Variants in CDH23 observed in about 807,000 individuals in gnomAD.
CDH23 encodes the protein cadherin related 23, also known as cadherin-23.
CDH23 carries 189 observed loss-of-function variants against 317.1 expected under a neutral mutation model. The observed-to-expected ratio is 0.60, with a 90% confidence interval of 0.53 to 0.67. The LOEUF (loss-of-function observed/expected upper bound fraction) is 0.67. Among genes scored for constraint, CDH23 ranks in the 30% least tolerant of loss-of-function variants. The pLI, the probability that CDH23 is intolerant of heterozygous loss-of-function variation, is 0.00. For missense variants in CDH23, 4,401 were observed against 4,592.4 expected, an observed-to-expected ratio of 0.96 and a Z score of 1.20; for synonymous variants, 1,839 against 1,876.8, an observed-to-expected ratio of 0.98 and a Z score of 0.52.
intron 8 of CDH23, among the ~76,000 whole-genome samples, chr10:71,571,463 C>T (rs188167568): frequency 6.6e-6 from 1 of 152,336 alleles, no homozygotes; most frequent in East Asian, 1.9e-4. Context: ...AGAAAGGCTC[C>T]TGATTTTTCT....
At chr10:71,509,880 A>G (rs1158766519) in intron 3 of CDH23, 1 of 599,346 alleles carries the variant, frequency 1.7e-6, no homozygotes, top group Admixed American at 2.7e-5. Flanking sequence ...ATCATGACAC[A>G]CTGTGACAAG....
chr10:71,416,277 G>C (rs1039735786), intron 1 of CDH23, among the ~76,000 whole-genome samples: 1 of 152,062 alleles, frequency 6.6e-6, no homozygotes, highest in African/African-American at 2.4e-5. Context: ...CGCCCGCCTT[G>C]GCCTCCTGAA....
At chr10:71,422,185 G>A (rs1041175108) in intron 1 of CDH23, among the ~76,000 whole-genome samples, 3 of 152,224 alleles carry the variant, frequency 2.0e-5, no homozygotes, top group Non-Finnish European at 2.9e-5. Context: ...CCTACAGTGT[G>A]TACAGAAGTG....
At chr10:71,621,486 C>T (rs919999184) in intron 11 of CDH23, among the ~76,000 whole-genome samples, 4 of 152,176 alleles carry the variant, frequency 2.6e-5, no homozygotes, top group South Asian at 2.1e-4. Flanking sequence ...CTGCCTGGAA[C>T]GTTGATGGCA....
intron 17 of CDH23, among the ~76,000 whole-genome samples, chr10:71,681,837 G>A (rs1430032183): frequency 6.6e-6 from 1 of 152,152 alleles, no homozygotes; most frequent in African/African-American, 2.4e-5. Context: ...GAGAAATAGG[G>A]CTAGAGACCG....
chr10:71,657,702 C>A (rs1444108365), intron 14 of CDH23, among the ~76,000 whole-genome samples: 4 of 151,842 alleles, frequency 2.6e-5, no homozygotes, highest in Non-Finnish European at 4.4e-5. Flanking sequence ...TTCCCCAGCA[C>A]CCCCCTGCCA....
At chr10:71,662,181 G>T (rs923399947) in intron 14 of CDH23, among the ~76,000 whole-genome samples, 2 of 152,052 alleles carry the variant, frequency 1.3e-5, no homozygotes, top group African/African-American at 4.8e-5. Flanking sequence ...GCAATCGTGT[G>T]GGTATTTAAT....
At chr10:71,613,409 C>T (rs1030943386) in intron 9 of CDH23, among the ~76,000 whole-genome samples, 3 of 152,224 alleles carry the variant, frequency 2.0e-5, no homozygotes, top group Non-Finnish European at 4.4e-5. Context: ...GTGACACCCC[C>T]TCCTGGGCTG....
chr10:71,652,363 C>CT (rs1287952778), intron 14 of CDH23, among the ~76,000 whole-genome samples: 20 of 152,370 alleles, frequency 1.3e-4, no homozygotes, highest in African/African-American at 4.8e-4. Flanking sequence ...TGGGACTTGG[C>CT]TTTTTTCCTA....
chr10:71,534,823 A>G (rs528341829), intron 6 of CDH23, among the ~76,000 whole-genome samples: 21 of 150,708 alleles, frequency 1.4e-4, no homozygotes, highest in Middle Eastern at 3.4e-3. Flanking sequence ...GCTCCAAACC[A>G]AGAAGCAAGG....
At chr10:71,641,523 C>T (rs949345340) in intron 11 of CDH23, among the ~76,000 whole-genome samples, 4 of 152,216 alleles carry the variant, frequency 2.6e-5, no homozygotes, top group Non-Finnish European at 4.4e-5. Flanking sequence ...CTCCACACTC[C>T]GTGCCTTTGC....
chr10:71,434,976 G>A (rs1849555947), intron 1 of CDH23, among the ~76,000 whole-genome samples: 1 of 152,174 alleles, frequency 6.6e-6, no homozygotes, highest in African/African-American at 2.4e-5. Context: ...CTGTGAGCAT[G>A]TTGGAATTCT....
intron 18 of CDH23, among the ~76,000 whole-genome samples, chr10:71,687,112 G>A (rs537935158): frequency 4.3e-4 from 65 of 152,346 alleles, no homozygotes; most frequent in Middle Eastern, 3.4e-3. Context: ...GTGCAAGGAG[G>A]AATCTAGCTG....
intron 11 of CDH23, among the ~76,000 whole-genome samples, chr10:71,642,427 C>T (rs1862598174): frequency 9.6e-6 from 1 of 104,442 alleles, no homozygotes; most frequent in Non-Finnish European, 1.8e-5. Context: ...GAGATGATGT[C>T]TCACTCTGTC....
At chr10:71,424,387 A>G (rs531354622) in intron 1 of CDH23, among the ~76,000 whole-genome samples, 5 of 152,244 alleles carry the variant, frequency 3.3e-5, no homozygotes, top group African/African-American at 1.2e-4. Context: ...GCGTAAAAAC[A>G]ATCCAAACAG....
rs369360489 is a variant in CDH23 at position 71,602,762 on chromosome 10, A to G, written c.833-12742A>G. Among the ~76,000 whole-genome samples, 16 of 152,276 alleles carry G rather than the reference A, an allele frequency of 1.1e-4. 1 individual carries two copies. The highest frequency in any genetic ancestry group is 3.9e-4 in the African/African-American group (16 of 41,548). On this transcript the variant is annotated intron_variant, in intron 9 of 69. Coordinates refer to ENST00000224721, the MANE Select transcript of CDH23 (RefSeq NM_022124.6). ...TTCACCATCTTTGACGCATCCTGACATGGGTTCAGCACTTTACAGTTTGTA... is the reference window on the plus strand; with the variant it reads ...TTCACCATCTTTGACGCATCCTGACGTGGGTTCAGCACTTTACAGTTTGTA...
Position 71,570,525 on chromosome 10 carries a change from G to C in CDH23, c.625-265G>C, listed in dbSNP as rs369465268. The stretch of plus-strand genomic sequence containing the variant: ...ACCCCAGCCCTGCTTTGTAACACTG[G>C]ATAAGCTGCCTTCCTCTGGACCTTG... On this transcript the variant is annotated intron_variant, in intron 7 of 69. Coordinates refer to ENST00000224721, the MANE Select transcript of CDH23 (RefSeq NM_022124.6). 1.5e-3 allele frequency among the ~76,000 whole-genome samples: 236 copies of C among 152,342 alleles called. 2 individuals are homozygous for C. Among genetic ancestry groups the C allele is most frequent in the African/African-American group, 5.7e-3 (235 of 41,578 alleles).
intron 3 of CDH23, among the ~76,000 whole-genome samples, chr10:71,492,747 C>T (rs1049647469): frequency 6.6e-6 from 1 of 152,224 alleles, no homozygotes; most frequent in Non-Finnish European, 1.5e-5. Flanking sequence ...GCCTTCAGGG[C>T]GCTCACAGTC....
chr10:71,510,891 G>T (rs1197845774), intron 4 of CDH23, 63 bp from the exon 5 acceptor site: 1 of 1,557,350 alleles, frequency 6.4e-7, no homozygotes, highest in South Asian at 1.1e-5. Flanking sequence ...CCCATTTAGG[G>T]CCCAGGACCC....
Sources: gnomAD v4.1 joint callset for allele counts (sites outside exome capture counted in the v4.1 genomes callset) on GRCh38, gnomAD v4.1.1 for gene constraint, MANE v1.5 for transcripts, NCBI Gene and HGNC (gene_info 2026-07-23, HGNC 2026-07-21) for gene names.